The following MACROD2 variants were observed in gnomAD, a reference collection of about 807,000 sequenced individuals.
MACROD2 encodes mono-ADP ribosylhydrolase 2.
MACROD2 carries 36 observed loss-of-function variants against 70.4 expected under a neutral mutation model. The observed-to-expected ratio is 0.51, with a 90% CI of 0.39 to 0.68. The LOEUF (loss-of-function observed/expected upper bound fraction) is 0.68. Ranked by LOEUF, MACROD2 falls within the 30% of genes least tolerant of loss-of-function variation. The probability of loss-of-function intolerance (pLI) is 0.00; values close to 1 mark genes in which losing one functional copy is unlikely to be tolerated. For missense variants in MACROD2, 496 were observed against 538.4 expected (o/e 0.92, Z 0.78); for synonymous variants, 172 against 178.8 (o/e 0.96, Z 0.30).
intron 3 of MACROD2, among the ~76,000 whole-genome samples, chr20:14,245,107 G>A (rs1052525749): frequency 2.0e-5 from 3 of 152,174 alleles, no homozygotes; most frequent in Non-Finnish European, 4.4e-5. Context: ...GCTCATGCCT[G>A]TAATCCCAGC....
chr20:15,394,995 G>A (rs914632540), intron 6 of MACROD2, among the ~76,000 whole-genome samples: 4 of 152,178 alleles, frequency 2.6e-5, no homozygotes, highest in African/African-American at 9.7e-5. Context: ...TCAAAATGCT[G>A]CCTGTCCCTC....
intron 4 of MACROD2, among the ~76,000 whole-genome samples, chr20:14,521,976 A>G (rs1164400782): frequency 6.6e-6 from 1 of 152,182 alleles, no homozygotes; most frequent in Non-Finnish European, 1.5e-5. Flanking sequence ...ACCAATGCAG[A>G]CAGGTTAGGT....
intron 5 of MACROD2, among the ~76,000 whole-genome samples, chr20:15,139,526 A>G (rs2076175958): frequency 6.6e-6 from 1 of 152,116 alleles, no homozygotes; most frequent in Non-Finnish European, 1.5e-5. Context: ...TCACTCTGTA[A>G]TTATCCTGGC....
At chr20:14,840,015 CTTT>C (rs897796907) in intron 5 of MACROD2, among the ~76,000 whole-genome samples, 1 of 148,210 alleles carries the variant, frequency 6.7e-6, no homozygotes, top group South Asian at 2.1e-4. Flanking sequence ...TATAAAACAT[CTTT>C]TAGAGTCTCC....
At chr20:15,566,604 C>T (rs1306903641) in intron 8 of MACROD2, among the ~76,000 whole-genome samples, 1 of 152,092 alleles carries the variant, frequency 6.6e-6, no homozygotes, top group Admixed American at 6.6e-5. Flanking sequence ...CATACGTTCC[C>T]TTCTAACTCC....
chr20:14,909,394 C>G (rs976392670), intron 5 of MACROD2, among the ~76,000 whole-genome samples: 2 of 152,076 alleles, frequency 1.3e-5, no homozygotes, highest in African/African-American at 4.8e-5. Context: ...ATTCATCAAG[C>G]TAATAGGCCT....
chr20:14,220,073 G>C (rs1298833459), intron 3 of MACROD2, among the ~76,000 whole-genome samples: 1 of 152,176 alleles, frequency 6.6e-6, no homozygotes, highest in Non-Finnish European at 1.5e-5. Flanking sequence ...AACCAGTGGT[G>C]GGTGGGGCCT....
At chr20:15,243,099 C>G (rs175312) in intron 6 of MACROD2, among the ~76,000 whole-genome samples, 42,723 of 151,958 alleles carry the variant, frequency 0.28, 6,228 homozygotes, top group African/African-American at 0.34. Context: ...CACCCAGGAA[C>G]GAATGTGATC....
At chr20:15,712,028 T>C (rs961921644) in intron 8 of MACROD2, among the ~76,000 whole-genome samples, 3 of 152,210 alleles carry the variant, frequency 2.0e-5, no homozygotes, top group African/African-American at 7.2e-5. Flanking sequence ...TTATTCGCTT[T>C]GAAAAAAGAC....
chr20:15,861,224 T>C (rs2064420318), intron 8 of MACROD2, among the ~76,000 whole-genome samples: 1 of 152,236 alleles, frequency 6.6e-6, no homozygotes, highest in Admixed American at 6.5e-5. Context: ...TCAGAGAGTA[T>C]GTATCCTTTT....
chr20:14,463,703 G>A (rs1249579316), intron 3 of MACROD2, among the ~76,000 whole-genome samples: 1 of 151,994 alleles, frequency 6.6e-6, no homozygotes, highest in Non-Finnish European at 1.5e-5. Context: ...TTTGAGATAT[G>A]TCCCATCAAT....
intron 5 of MACROD2, among the ~76,000 whole-genome samples, chr20:14,744,710 G>A (rs1010113465): frequency 1.3e-5 from 2 of 152,056 alleles, no homozygotes; most frequent in Middle Eastern, 3.2e-3. Flanking sequence ...TTTTGCATTC[G>A]ACTTGCTCTT....
At chr20:14,193,480 G>A (rs544516606) in intron 3 of MACROD2, among the ~76,000 whole-genome samples, 2 of 152,212 alleles carry the variant, frequency 1.3e-5, no homozygotes, top group South Asian at 4.1e-4. Flanking sequence ...TTTAATGAAG[G>A]GACTACTTAC....
chr20:14,900,495 G>C (rs1429468015), intron 5 of MACROD2, among the ~76,000 whole-genome samples: 1 of 152,008 alleles, frequency 6.6e-6, no homozygotes, highest in Non-Finnish European at 1.5e-5. Context: ...GCTTGTTACA[G>C]TTTTATTTAG....
chr20:15,354,981 G>GGTTTC (rs2078270271), intron 6 of MACROD2, among the ~76,000 whole-genome samples: 1 of 152,188 alleles, frequency 6.6e-6, no homozygotes, highest in Non-Finnish European at 1.5e-5. Context: ...ACTAACAGGT[G>GGTTTC]ACACTAATAT....
chr20:14,425,248 G>A (rs972694747), intron 3 of MACROD2, among the ~76,000 whole-genome samples: 1 of 151,878 alleles, frequency 6.6e-6, no homozygotes, highest in African/African-American at 2.4e-5. Flanking sequence ...TCATTTTTAG[G>A]CATTATCTAC....
At chr20:14,839,924 G>A (rs982813456) in intron 5 of MACROD2, among the ~76,000 whole-genome samples, 2 of 151,978 alleles carry the variant, frequency 1.3e-5, no homozygotes, top group Non-Finnish European at 2.9e-5. Context: ...GGAAAGGGGT[G>A]ATGAAAATGG....
chr20:14,907,637 G>A (rs2073974911), intron 5 of MACROD2, among the ~76,000 whole-genome samples: 1 of 152,186 alleles, frequency 6.6e-6, no homozygotes, highest in Admixed American at 6.5e-5. Flanking sequence ...CAGGCATAAG[G>A]AATAGAAAGC....
chr20:15,683,145 A>G (rs1454317149), intron 8 of MACROD2, among the ~76,000 whole-genome samples: 5 of 152,220 alleles, frequency 3.3e-5, no homozygotes, highest in Admixed American at 3.3e-4. Context: ...TTAGAATATT[A>G]CGAATAAATG....
Sources: allele counts gnomAD v4.1 joint callset (sites outside exome capture counted in the v4.1 genomes callset), GRCh38; gene constraint gnomAD v4.1.1; transcripts MANE v1.5; gene names NCBI Gene and HGNC (gene_info 2026-07-23, HGNC 2026-07-21).